PIP4K2A: variants seen among roughly 807,000 people sequenced by gnomAD.
The protein encoded by PIP4K2A is phosphatidylinositol-5-phosphate 4-kinase type 2 alpha.
A neutral mutation model predicts 42.9 loss-of-function variants in PIP4K2A; 14 were observed. The observed-to-expected ratio is 0.33, with a 90% CI of 0.22 to 0.51. The LOEUF is 0.51. Ranked by LOEUF, PIP4K2A falls within the 20% of genes least tolerant of loss-of-function variation. The probability of loss-of-function intolerance (pLI) is 0.97; values close to 1 mark genes in which losing one functional copy is unlikely to be tolerated. For missense variants in PIP4K2A, 434 were observed against 519.8 expected (o/e 0.83, Z 1.61); for synonymous variants, 192 against 192.2 (o/e 1.00, Z 0.01).
intron 4 of PIP4K2A, among the ~76,000 whole-genome samples, chr10:22,589,683 C>T (rs1262198209): frequency 6.6e-6 from 1 of 152,156 alleles, no homozygotes; most frequent in Non-Finnish European, 1.5e-5. Context: ...TAAAGTAATG[C>T]TTTTAAAGGG....
intron 3 of PIP4K2A, among the ~76,000 whole-genome samples, chr10:22,604,145 A>AG (rs1229784102): frequency 3.9e-5 from 6 of 152,256 alleles, no homozygotes; most frequent in Non-Finnish European, 7.3e-5. Flanking sequence ...AGTCATTTTT[A>AG]AAAGATATTC....
intron 1 of PIP4K2A, among the ~76,000 whole-genome samples, chr10:22,612,103 T>A (rs927103010): frequency 6.6e-6 from 1 of 152,234 alleles, no homozygotes; most frequent in Admixed American, 6.5e-5. Flanking sequence ...TCAGCCAACA[T>A]GGAATGAGTA....
At chr10:22,618,360 C>T (rs1052295351) in intron 1 of PIP4K2A, among the ~76,000 whole-genome samples, 4 of 152,140 alleles carry the variant, frequency 2.6e-5, no homozygotes, top group African/African-American at 9.7e-5. Context: ...CCCTGAGGTT[C>T]ATTCGCTTTA....
Position 22,573,295 on chromosome 10 carries a change from A to C in PIP4K2A, c.639+16T>G, listed in dbSNP as rs140031970. The stretch of plus-strand genomic sequence containing the variant: ...AGCTTGAGTTACTTTACAAAAATTC[A>C]TAAAATCAGTCTCACCTTTAAGTCG... On this transcript the variant is annotated intron_variant, in intron 5 of 9. Coordinates refer to ENST00000376573, the MANE Select transcript of PIP4K2A (RefSeq NM_005028.5). 3.7e-6 allele frequency: 6 copies of C among 1,609,128 alleles called. No homozygotes were observed. The highest frequency in any genetic ancestry group is 1.3e-5 in the African/African-American group (1 of 74,792).
chr10:22,541,994 A>G lies in PIP4K2A; in HGVS notation c.846T>C (p.Asp282=). The G allele has an allele frequency of 6.2e-7, 1 of 1,613,818 alleles. No individual in the cohort carries two copies. The highest frequency in any genetic ancestry group is 1.1e-5 in the South Asian group (1 of 91,048). ...CTTCCTCCTGTTCGGCTCTCTCCAC[A>G]TCATGAATTCCCACCAGCAGACTGT... ...MDYSLLVGIH[D]VERAEQEEVE... Residue 282 remains aspartate, a synonymous_variant, in exon 8 of 10, where the codon GAT becomes GAC. Transcript: ENST00000376573.
intron 1 of PIP4K2A, among the ~76,000 whole-genome samples, chr10:22,625,333 T>C (rs957093905): frequency 3.9e-5 from 6 of 152,232 alleles, no homozygotes; most frequent in African/African-American, 1.4e-4. Flanking sequence ...AGCAAAAGAT[T>C]TTCTGTAGTG....
At chr10:22,644,587 C>T (rs1838843980) in intron 1 of PIP4K2A, among the ~76,000 whole-genome samples, 1 of 152,338 alleles carries the variant, frequency 6.6e-6, no homozygotes, top group African/African-American at 2.4e-5. Context: ...GCCACCTTAG[C>T]AGATGGGGCT....
chr10:22,616,594 C>A (rs1004976982), intron 1 of PIP4K2A, among the ~76,000 whole-genome samples: 3 of 152,100 alleles, frequency 2.0e-5, no homozygotes, highest in African/African-American at 4.8e-5. Flanking sequence ...TTTCAAATTC[C>A]TAACAGCCAG....
intron 4 of PIP4K2A, among the ~76,000 whole-genome samples, chr10:22,580,667 C>A (rs1399691662): frequency 6.6e-6 from 1 of 152,224 alleles, no homozygotes. Flanking sequence ...ATCTGAGGAA[C>A]CTTTGCCTCC....
intron 1 of PIP4K2A, among the ~76,000 whole-genome samples, chr10:22,662,474 T>C (rs754859154): frequency 1.6e-4 from 24 of 152,228 alleles, no homozygotes; most frequent in Non-Finnish European, 3.5e-4. Flanking sequence ...AATTTGATAT[T>C]TGTGCGTACG....
At chr10:22,621,639 G>A (rs77186925) in intron 1 of PIP4K2A, among the ~76,000 whole-genome samples, 3,847 of 152,242 alleles carry the variant, frequency 0.025, 161 homozygotes, top group African/African-American at 0.087. Flanking sequence ...GTGTCCCTGG[G>A]TACCCCAGAT....
At chr10:22,609,847 T>C in intron 1 of PIP4K2A, 130 bp from the exon 2 acceptor site, 1 of 586,858 alleles carries the variant, frequency 1.7e-6, no homozygotes, top group Non-Finnish European at 3.0e-6. Context: ...CAACCCACCC[T>C]CCTTCCCTCT....
At chr10:22,608,754 G>A (rs150205208) in intron 2 of PIP4K2A, among the ~76,000 whole-genome samples, 14 of 152,248 alleles carry the variant, frequency 9.2e-5, no homozygotes, top group African/African-American at 1.4e-4. Context: ...ACCTGCACCC[G>A]TAGTCCCAGC....
chr10:22,570,881 A>G (rs917881774), intron 5 of PIP4K2A, among the ~76,000 whole-genome samples: 3 of 151,994 alleles, frequency 2.0e-5, no homozygotes, highest in Non-Finnish European at 2.9e-5. Context: ...CATCTAAGAA[A>G]CCCAGCGTCA....
chr10:22,595,743 G>T lies in PIP4K2A; in HGVS notation c.340-3962C>A, dbSNP rs140699526. On this transcript the variant is annotated intron_variant, in intron 3 of 9. Coordinates refer to ENST00000376573, the MANE Select transcript of PIP4K2A (RefSeq NM_005028.5). ...CCGCACTCCAACCTGAGCAGCACAG[G>T]GTAATGGTGAGGGCACTGGTCTGAG... Among the ~76,000 whole-genome samples, 313 of 152,152 alleles carry T rather than the reference G, an allele frequency of 2.1e-3. 1 individual carries two copies. The highest frequency in any genetic ancestry group is 7.4e-3 in the African/African-American group (307 of 41,510).
intron 1 of PIP4K2A, among the ~76,000 whole-genome samples, chr10:22,622,225 C>T (rs139292048): frequency 6.6e-6 from 1 of 152,198 alleles, no homozygotes; most frequent in South Asian, 2.1e-4. Flanking sequence ...AAGCTGCTAC[C>T]TCTGTGCCGG....
intron 5 of PIP4K2A, among the ~76,000 whole-genome samples, chr10:22,568,563 T>C (rs903316793): frequency 2.0e-5 from 3 of 152,182 alleles, no homozygotes; most frequent in Non-Finnish European, 4.4e-5. Context: ...AGGTACAAAG[T>C]GGAGGAAAAC....
At chr10:22,543,732 G>A (rs1215153913) in intron 7 of PIP4K2A, among the ~76,000 whole-genome samples, 1 of 152,222 alleles carries the variant, frequency 6.6e-6, no homozygotes, top group Admixed American at 6.5e-5. Flanking sequence ...GTTTGTGGGG[G>A]CGGCTGCGGG....
intron 3 of PIP4K2A, among the ~76,000 whole-genome samples, chr10:22,597,036 A>G (rs1460391789): frequency 6.6e-6 from 1 of 152,266 alleles, no homozygotes; most frequent in African/African-American, 2.4e-5. Flanking sequence ...GATTTTGCCA[A>G]GTAAAGTGTG....
Sources: allele counts gnomAD v4.1 joint callset (sites outside exome capture counted in the v4.1 genomes callset), GRCh38; gene constraint gnomAD v4.1.1; transcripts MANE v1.5; gene names NCBI Gene and HGNC (gene_info 2026-07-23, HGNC 2026-07-21).